The following SLC25A17 variants were observed in gnomAD, a reference collection of about 807,000 sequenced individuals.
SLC25A17 encodes solute carrier family 25 member 17, also known as peroxisomal membrane protein PMP34.
SLC25A17 carries 26 observed loss-of-function variants against 38.5 expected under a neutral mutation model. The ratio of observed to expected loss-of-function variants is 0.68; its 90% CI spans 0.50 to 0.94. The LOEUF is 0.94. Among genes scored for constraint, SLC25A17 ranks in the 40% least tolerant of loss-of-function variants. The probability of loss-of-function intolerance (pLI) is 0.00; values close to 1 mark genes in which losing one functional copy is unlikely to be tolerated. For missense variants in SLC25A17, 333 were observed against 372.7 expected (o/e 0.89, Z 0.88); for synonymous variants, 139 against 136.2 (o/e 1.02, Z -0.14).
chr22:40,798,660 T>TTAAAA (rs1556180104), intron 2 of SLC25A17, among the ~76,000 whole-genome samples: 1 of 74,378 alleles, frequency 1.3e-5, no homozygotes, highest in East Asian at 4.6e-4. Flanking sequence ...CACACATACA[T>TTAAAA]AAAAAAAAAA....
rs2057238879 is a variant in SLC25A17 at position 40,775,903 on chromosome 22, A to C, written c.693+1137T>G. On this transcript the variant is annotated intron_variant, in intron 7 of 8. Coordinates refer to ENST00000435456, the MANE Select transcript of SLC25A17 (RefSeq NM_006358.4). ...AGCCATGCTGAAATGTGAGTCAATT[A>C]AACCTCTTTCCTTTATAAATTACCC... 2.0e-5 allele frequency among the ~76,000 whole-genome samples: 3 copies of C among 152,168 alleles called. 1 individual carries two copies. In the South Asian group the frequency reaches 6.2e-4, roughly 31 times the overall value.
rs6002157 is a variant in SLC25A17, at chr22:40,807,565, T to C, written c.55-8482A>G. 3.6e-3 allele frequency among the ~76,000 whole-genome samples: 546 copies of C among 152,186 alleles called. 5 individuals carry two copies. The highest frequency in any genetic ancestry group is 0.013 in the African/African-American group (524 of 41,506). ...GATATCGAGACCATCTTGGCTAACATAGTGAAACCCCTTCTCTACTAAAAA... is the reference window on the plus strand; with the variant it reads ...GATATCGAGACCATCTTGGCTAACACAGTGAAACCCCTTCTCTACTAAAAA... On this transcript the variant is annotated intron_variant, in intron 1 of 8. Coordinates refer to ENST00000435456, the MANE Select transcript of SLC25A17 (RefSeq NM_006358.4).
intron 3 of SLC25A17, among the ~76,000 whole-genome samples, chr22:40,793,932 G>C (rs1479372053): frequency 6.6e-6 from 1 of 152,144 alleles, no homozygotes. Flanking sequence ...GGGGCTAAAA[G>C]GCTTTGATGT....
intron 1 of SLC25A17, among the ~76,000 whole-genome samples, chr22:40,802,262 G>A (rs2057490684): frequency 1.3e-5 from 2 of 152,074 alleles, no homozygotes; most frequent in Non-Finnish European, 2.9e-5. Flanking sequence ...CTACCTATCT[G>A]GATATCTTGA....
intron 1 of SLC25A17, among the ~76,000 whole-genome samples, chr22:40,818,928 G>C (rs897158812): frequency 1.3e-5 from 2 of 152,116 alleles, no homozygotes; most frequent in Non-Finnish European, 1.5e-5. Flanking sequence ...CCACGGCAAA[G>C]ATGCGGACCC....
chr22:40,777,091 C>T lies in SLC25A17; in HGVS notation c.642G>A (p.Ala214=), dbSNP rs368601514. 3.0e-5 allele frequency: 48 copies of T among 1,613,994 alleles called. No homozygotes were observed. Among genetic ancestry groups the T allele is most frequent in the Middle Eastern group, 1.6e-4 (1 of 6,084 alleles). The part of the protein sequence containing the change: ...DVFIIGAVAK[A]IATTVTYPLQ... ...GGGGATAGGTCACCGTGGTGGCAAT[C>T]GCTTTGGCTACTGCACCAATGATGA... is the stretch of plus-strand genomic sequence containing the variant. Residue 214 remains alanine, a synonymous_variant, in exon 7 of 9, where the codon GCG becomes GCA. Coordinates refer to ENST00000435456, the MANE Select transcript of SLC25A17 (RefSeq NM_006358.4).
rs187265716 is a variant in SLC25A17 at position 40,814,913 on chromosome 22, G to A, written c.54+4282C>T. 5.5e-3 allele frequency among the ~76,000 whole-genome samples: 838 copies of A among 151,722 alleles called. 5 individuals carry two copies. Among genetic ancestry groups the A allele is most frequent in the African/African-American group, 0.019 (802 of 41,326 alleles). On this transcript the variant is annotated intron_variant, in intron 1 of 8. Transcript: ENST00000435456. Reference sequence around the variant, plus strand: ...TGGCTCACTGCAAGCTCCACCTCCCGGGTTCATGCCGTTCTCCTGCCTCAG... The same window carrying A: ...TGGCTCACTGCAAGCTCCACCTCCCAGGTTCATGCCGTTCTCCTGCCTCAG...
At chr22:40,816,093 G>C (rs927925630) in intron 1 of SLC25A17, among the ~76,000 whole-genome samples, 1 of 152,006 alleles carries the variant, frequency 6.6e-6, no homozygotes, top group Non-Finnish European at 1.5e-5. Context: ...AGAGGCTGAG[G>C]CAGGAGAATC....
chr22:40,813,549 C>A lies in SLC25A17; in HGVS notation c.54+5646G>T, dbSNP rs546844557. On this transcript the variant is annotated intron_variant, in intron 1 of 8. Coordinates refer to ENST00000435456, the MANE Select transcript of SLC25A17 (RefSeq NM_006358.4). ...CGAGACTCTGTATAAAAAAAAAATA[C>A]CCTCTCTATTAAAAATACAAAAAGA... Among the ~76,000 whole-genome samples, 55 of 151,564 alleles carry A rather than the reference C, an allele frequency of 3.6e-4. 1 individual carries two copies. The South Asian group carries it at 0.011, about 31-fold the overall frequency.
At position 40,788,419 on chromosome 22, in the gene SLC25A17, G is replaced by A. The variant is rs889093790; in HGVS notation, c.334+4106C>T. ...GACAATAATAAACACTGGGCCGGGC[G>A]TTGCGGCTCATGCCTATAATCCCAG... On this transcript the variant is annotated intron_variant, in intron 4 of 8. Coordinates refer to ENST00000435456, the MANE Select transcript of SLC25A17 (RefSeq NM_006358.4). Among the ~76,000 whole-genome samples the A allele has an allele frequency of 3.3e-5, 5 of 152,192 alleles. No individual in the cohort carries two copies. In the South Asian group the frequency reaches 1.0e-3, roughly 31 times the overall value.
chr22:40,791,792 G>T (rs1054242219), intron 4 of SLC25A17, among the ~76,000 whole-genome samples: 1 of 152,156 alleles, frequency 6.6e-6, no homozygotes, highest in African/African-American at 2.4e-5. Flanking sequence ...CTGTTGGTGG[G>T]ATTATAAATG....
At chr22:40,815,599 T>G (rs1484710304) in intron 1 of SLC25A17, among the ~76,000 whole-genome samples, 1 of 152,200 alleles carries the variant, frequency 6.6e-6, no homozygotes, top group Admixed American at 6.5e-5. Context: ...TTTGCAAGAA[T>G]ATACTTGAGA....
intron 8 of SLC25A17, among the ~76,000 whole-genome samples, chr22:40,773,410 CAAAAA>C (rs59479764): frequency 4.0e-5 from 3 of 74,338 alleles, no homozygotes; most frequent in African/African-American, 5.4e-5. Context: ...ACTCTGTCTC[CAAAAA>C]AAAAAAAAAA....
At chr22:40,779,219 T>G in intron 4 of SLC25A17, 94 bp from the exon 5 acceptor site, 1 of 1,591,570 alleles carries the variant, frequency 6.3e-7, no homozygotes, top group South Asian at 1.1e-5. Context: ...TCCATTTATA[T>G]CTCTGTCACT....
chr22:40,799,033 A>C lies in SLC25A17; in HGVS notation c.105T>G (p.Leu35=). The change falls in exon 2 of 9, where the codon CTT becomes CTG. Residue 35 remains leucine, a synonymous_variant. Coordinates refer to ENST00000435456, the MANE Select transcript of SLC25A17 (RefSeq NM_006358.4). ...TVFFPLDTAR[L]RLQVDEKRKS... ...ATGATTTCTACTTACCCTGAAGTCG[A>C]AGTCTAGCTGTATCCAGGGGAAAAA... The C allele has an allele frequency of 1.2e-6, 2 of 1,611,918 alleles. No homozygotes were observed. The highest frequency in any genetic ancestry group is 1.7e-6 in the Non-Finnish European group (2 of 1,178,084).
chr22:40,809,852 C>A (rs1202798502), intron 1 of SLC25A17, among the ~76,000 whole-genome samples: 1 of 152,028 alleles, frequency 6.6e-6, no homozygotes, highest in Non-Finnish European at 1.5e-5. Flanking sequence ...TATCATCTAA[C>A]CTGACATCAT....
At chr22:40,788,967 T>G (rs960166905) in intron 4 of SLC25A17, 8 of 324,760 alleles carry the variant, frequency 2.5e-5, no homozygotes, top group African/African-American at 4.5e-5. Flanking sequence ...CACTCAGGAT[T>G]TCCCCATAGA....
chr22:40,814,809 T>G (rs1295828326), intron 1 of SLC25A17, among the ~76,000 whole-genome samples: 1 of 147,912 alleles, frequency 6.8e-6, no homozygotes, highest in Non-Finnish European at 1.5e-5. Context: ...TTGTTGTTGT[T>G]TTGTTTTGTT....
At position 40,792,605 on chromosome 22, in the gene SLC25A17, G is replaced by A. The variant is rs748548043; in HGVS notation, c.254C>T (p.Thr85Ile). The A allele has an allele frequency of 1.2e-6, 2 of 1,614,050 alleles. No individual in the cohort carries two copies. Among genetic ancestry groups the A allele is most frequent in the Non-Finnish European group, 1.7e-6 (2 of 1,179,950 alleles). The stretch of plus-strand genomic sequence containing the variant: ...CCAGAGTGCTTTGAGGCTATTAAAA[G>A]TGTAGAAATAGACAAAATTGGAGCA... ...LCCSNFVYFYTFNSLKALWVK... is the reference protein window; with the variant it reads ...LCCSNFVYFYIFNSLKALWVK... Residue 85 changes from threonine (T) to isoleucine (I), a missense_variant, in exon 4 of 9, where the codon ACT (threonine) becomes ATT (isoleucine). By Grantham distance (89) the Thr-to-Ile change is moderately conservative. Coordinates refer to ENST00000435456, the MANE Select transcript of SLC25A17 (RefSeq NM_006358.4).
Sources: allele counts gnomAD v4.1 joint callset (sites outside exome capture counted in the v4.1 genomes callset), GRCh38; gene constraint gnomAD v4.1.1; transcripts MANE v1.5; gene names NCBI Gene and HGNC (gene_info 2026-07-23, HGNC 2026-07-21).